Variants in EIF2B3 observed in about 807,000 individuals in gnomAD.
The protein encoded by EIF2B3 is eukaryotic translation initiation factor 2B subunit gamma.
EIF2B3 carries 20 observed loss-of-function variants against 54.1 expected under a neutral mutation model. The observed-to-expected ratio is 0.37, with a 90% CI of 0.26 to 0.54. EIF2B3 has a LOEUF of 0.54. Among genes scored for constraint, EIF2B3 ranks in the 20% least tolerant of loss-of-function variants. The probability of loss-of-function intolerance (pLI) is 0.86; values close to 1 mark genes in which losing one functional copy is unlikely to be tolerated. For synonymous variants in EIF2B3, 153 were observed against 188.1 expected, an observed-to-expected ratio of 0.81 and a Z score of 1.52; for missense variants, 448 against 547.8, an observed-to-expected ratio of 0.82 and a Z score of 1.82.
chr1:44,897,891 C>T (rs1030053425), intron 5 of EIF2B3, among the ~76,000 whole-genome samples: 16 of 151,966 alleles, frequency 1.1e-4, no homozygotes, highest in African/African-American at 3.6e-4. Flanking sequence ...TGTACACCAC[C>T]ATGCCCAGCT....
At position 44,912,362 on chromosome 1, in the gene EIF2B3, T is replaced by C. The variant is rs116669929; in HGVS notation, c.566+14266A>G. Among the ~76,000 whole-genome samples, 284 of 152,354 alleles carry C rather than the reference T, an allele frequency of 1.9e-3. 2 individuals are homozygous for C. Among genetic ancestry groups the C allele is most frequent in the African/African-American group, 6.3e-3 (263 of 41,586 alleles). ...ACACTGTGATACTTTTCAAGTCTTA[T>C]ATACCTTAAATCTATCCTACATACT... is the stretch of plus-strand genomic sequence containing the variant. On this transcript the variant is annotated intron_variant, in intron 5 of 11. Transcript: ENST00000360403.
chr1:44,971,258 C>G (rs957021993), intron 3 of EIF2B3, among the ~76,000 whole-genome samples: 1 of 151,932 alleles, frequency 6.6e-6, no homozygotes. Context: ...TGGCAGGCAC[C>G]TGTAGTCCCA....
chr1:44,934,027 C>T (rs564753923), intron 4 of EIF2B3, among the ~76,000 whole-genome samples: 3 of 151,910 alleles, frequency 2.0e-5, no homozygotes, highest in East Asian at 3.9e-4. Flanking sequence ...GAGGCTGAGG[C>T]AAGAGAATCA....
At chr1:44,973,291 C>T (rs1483980100) in intron 3 of EIF2B3, among the ~76,000 whole-genome samples, 1 of 152,208 alleles carries the variant, frequency 6.6e-6, no homozygotes, top group Admixed American at 6.5e-5. Context: ...AATGTGGAGG[C>T]AACCCAAGTG....
At chr1:44,870,656 G>GAT in intron 10 of EIF2B3, among the ~76,000 whole-genome samples, 1 of 143,452 alleles carries the variant, frequency 7.0e-6, no homozygotes, top group East Asian at 2.0e-4. Context: ...CAGTTCTCAG[G>GAT]TTTTTTTTTT....
At chr1:44,899,836 T>C (rs187384681) in intron 5 of EIF2B3, among the ~76,000 whole-genome samples, 1 of 152,344 alleles carries the variant, frequency 6.6e-6, no homozygotes, top group East Asian at 1.9e-4. Flanking sequence ...ACTGGGTATA[T>C]ATCCAAAGGA....
At chr1:44,940,143 T>A (rs948821071) in intron 4 of EIF2B3, among the ~76,000 whole-genome samples, 3 of 152,162 alleles carry the variant, frequency 2.0e-5, no homozygotes, top group Non-Finnish European at 4.4e-5. Flanking sequence ...CCAAACGTCC[T>A]AAAATATTAA....
intron 5 of EIF2B3, among the ~76,000 whole-genome samples, chr1:44,913,175 C>A (rs1025761094): frequency 9.4e-4 from 131 of 139,680 alleles, no homozygotes; most frequent in African/African-American, 3.4e-3. Flanking sequence ...CTAATAGCTA[C>A]AAATAAGATC....
rs117705778 is a variant in EIF2B3 at position 44,891,321 on chromosome 1, G to A, written c.656+6034C>T. On this transcript the variant is annotated intron_variant, in intron 6 of 11. Coordinates refer to ENST00000360403, the MANE Select transcript of EIF2B3 (RefSeq NM_020365.5). ...TCTCCCTAAGTTGCCCAGGCTGGTC[G>A]TGAACTCCTGGGTTCCAGTGATCCT... Among the ~76,000 whole-genome samples, 486 of 152,050 alleles carry A rather than the reference G, an allele frequency of 3.2e-3. 19 individuals carry two copies. In the East Asian group the frequency reaches 0.079, roughly 25 times the overall value.
chr1:44,909,063 C>T (rs189090735), intron 5 of EIF2B3, among the ~76,000 whole-genome samples: 1 of 152,174 alleles, frequency 6.6e-6, no homozygotes, highest in East Asian at 1.9e-4. Context: ...TATATCCGTG[C>T]ATAATATTTC....
chr1:44,937,065 T>A (rs887400575), intron 4 of EIF2B3, among the ~76,000 whole-genome samples: 18 of 152,190 alleles, frequency 1.2e-4, no homozygotes, highest in Admixed American at 2.0e-4. Context: ...GGTATTTTTT[T>A]AAAAATCTTG....
rs1323266372 is a variant in EIF2B3 at position 44,881,165 on chromosome 1, C to T, written c.784+447G>A. Among the ~76,000 whole-genome samples, 5 of 152,120 alleles carry T rather than the reference C, an allele frequency of 3.3e-5. No homozygotes were observed. The highest frequency in any genetic ancestry group is 3.8e-4 in the East Asian group (2 of 5,196). On this transcript the variant is annotated intron_variant, in intron 7 of 11. Transcript: ENST00000360403. This position sits in a 1 kb window ranked among gnomAD's most constrained non-coding sequence, Gnocchi z 4.0. ...GATATGACAGCAAACAAGACAGATCCGATCTTCAGATCCTGGCACGGAGAC... is the reference window on the plus strand; with the variant it reads ...GATATGACAGCAAACAAGACAGATCTGATCTTCAGATCCTGGCACGGAGAC...
At chr1:44,938,490 C>G (rs1643982285) in intron 4 of EIF2B3, among the ~76,000 whole-genome samples, 2 of 144,434 alleles carry the variant, frequency 1.4e-5, no homozygotes, top group African/African-American at 5.1e-5. Context: ...CTCTCTCTCT[C>G]TCTCTCTCTC....
chr1:44,947,957 T>C (rs1480929302), intron 3 of EIF2B3, among the ~76,000 whole-genome samples: 1 of 152,148 alleles, frequency 6.6e-6, no homozygotes, highest in African/African-American at 2.4e-5. Flanking sequence ...TCCTCCTGCC[T>C]CAGCCTCCCA....
At chr1:44,981,575 T>C (rs1422419807) in intron 1 of EIF2B3, among the ~76,000 whole-genome samples, 3 of 152,204 alleles carry the variant, frequency 2.0e-5, no homozygotes, top group Non-Finnish European at 1.5e-5. Flanking sequence ...TAGAAAGTGA[T>C]GCTTGAGCTG....
In EIF2B3 at chr1:44,851,022, A is replaced by T. The variant is rs1326772457; in HGVS notation, c.1307-19T>A. 1 of 1,612,900 alleles carries T rather than the reference A, an allele frequency of 6.2e-7. No individual in the cohort carries two copies. Among genetic ancestry groups the T allele is most frequent in the Non-Finnish European group, 8.5e-7 (1 of 1,179,912 alleles). On this transcript the variant is annotated intron_variant, in intron 11 of 11. Coordinates refer to ENST00000360403, the MANE Select transcript of EIF2B3 (RefSeq NM_020365.5). ...CGTTTAGCTACAAAAGAAAAGGAAA[A>T]AAGTTTTCTGAGAACTGGCAGCAAG... is the stretch of plus-strand genomic sequence containing the variant.
intron 3 of EIF2B3, among the ~76,000 whole-genome samples, chr1:44,962,086 G>A (rs988741907): frequency 6.6e-6 from 1 of 152,142 alleles, no homozygotes; most frequent in African/African-American, 2.4e-5. Context: ...CAGCTACTCA[G>A]GAGGCTGAGA....
intron 10 of EIF2B3, among the ~76,000 whole-genome samples, chr1:44,862,307 G>T (rs1484653862): frequency 6.6e-6 from 1 of 152,138 alleles, no homozygotes; most frequent in African/African-American, 2.4e-5. Context: ...TTTCTCCTTG[G>T]TAGGTTCAAA....
At chr1:44,975,664 A>G (rs1453458942) in intron 3 of EIF2B3, among the ~76,000 whole-genome samples, 1 of 152,194 alleles carries the variant, frequency 6.6e-6, no homozygotes, top group Non-Finnish European at 1.5e-5. Flanking sequence ...GGATCAAAAG[A>G]TTCAATATTA....
Sources: gnomAD v4.1 joint callset for allele counts (sites outside exome capture counted in the v4.1 genomes callset) on GRCh38, gnomAD v4.1.1 for gene constraint, Gnocchi (gnomAD v3.1) non-coding constraint, MANE v1.5 for transcripts, NCBI Gene and HGNC (gene_info 2026-07-23, HGNC 2026-07-21) for gene names.